IL1RAPL1: variants seen among roughly 807,000 people sequenced by gnomAD.
The protein encoded by IL1RAPL1 is interleukin 1 receptor accessory protein like 1.
In IL1RAPL1, 3 loss-of-function variants were observed where a neutral mutation model predicts 48.4. The ratio of observed to expected loss-of-function variants is 0.06; its 90% CI spans 0.03 to 0.16. The LOEUF (loss-of-function observed/expected upper bound fraction) is 0.16. Ranked by LOEUF, IL1RAPL1 falls within the 10% of genes least tolerant of loss-of-function variation. The pLI is 1.00. For synonymous variants in IL1RAPL1, 185 were observed against 187.7 expected, an observed-to-expected ratio of 0.99 and a Z score of 0.12; for missense variants, 349 against 530.6, an observed-to-expected ratio of 0.66 and a Z score of 3.36.
At chrX:29,006,405 T>C (rs1925978425) in intron 2 of IL1RAPL1, among the ~76,000 whole-genome samples, 2 of 109,182 alleles carry the variant, frequency 1.8e-5, no homozygotes, top group South Asian at 4.0e-4. Flanking sequence ...TCCCAGCTAC[T>C]TGGGAGGCTG....
intron 2 of IL1RAPL1, among the ~76,000 whole-genome samples, chrX:29,266,226 A>T (rs1931954282): frequency 1.8e-5 from 2 of 112,397 alleles, no homozygotes; most frequent in Non-Finnish European, 3.8e-5. Flanking sequence ...CAAATGTCCA[A>T]CAATGATAGA....
intron 3 of IL1RAPL1, among the ~76,000 whole-genome samples, chrX:29,349,740 A>T (rs1933197874): frequency 9.0e-6 from 1 of 110,501 alleles, no homozygotes; most frequent in African/African-American, 3.3e-5. Flanking sequence ...GTCTCACAAA[A>T]GCTCCTCTGA....
At chrX:29,228,182 A>G (rs1170100557) in intron 2 of IL1RAPL1, among the ~76,000 whole-genome samples, 9 of 12,159 alleles carry the variant, frequency 7.4e-4, no homozygotes, top group Non-Finnish European at 1.4e-3. Context: ...ACGCGTGCAC[A>G]CACACACACA....
At chrX:29,651,455 C>G (rs1324758956) in intron 5 of IL1RAPL1, among the ~76,000 whole-genome samples, 4 of 110,637 alleles carry the variant, frequency 3.6e-5, no homozygotes, top group Non-Finnish European at 7.6e-5. Flanking sequence ...AATAAGAAAT[C>G]TTGTCATTTG....
chrX:29,740,673 T>C (rs1468728818), intron 6 of IL1RAPL1, among the ~76,000 whole-genome samples: 1 of 111,900 alleles, frequency 8.9e-6, no homozygotes, highest in Admixed American at 9.5e-5. Context: ...CTCCCCCAGC[T>C]CTCATCTCTT....
Position 29,884,186 on chromosome X carries a change from C to T in IL1RAPL1, c.779-33278C>T, listed in dbSNP as rs193085606. On this transcript the variant is annotated intron_variant, in intron 6 of 10. Transcript: ENST00000378993. ...CTAATTCCAGTTCATTCTATTCATT[C>T]GAGACAAACCCTATTTTTATTCCCT... 7.1e-4 allele frequency among the ~76,000 whole-genome samples: 79 copies of T among 111,897 alleles called. No homozygotes were observed. In the East Asian group the frequency reaches 7.9e-3, roughly 11 times the overall value.
chrX:28,971,892 GT>G (rs1925083719), intron 2 of IL1RAPL1, among the ~76,000 whole-genome samples: 1 of 106,630 alleles, frequency 9.4e-6, no homozygotes, highest in Non-Finnish European at 1.9e-5. Flanking sequence ...GTGTGTGTGT[GT>G]GTGTGTGTGT....
chrX:28,851,872 C>T (rs1283518016), intron 2 of IL1RAPL1, among the ~76,000 whole-genome samples: 3 of 112,304 alleles, frequency 2.7e-5, no homozygotes, highest in Non-Finnish European at 5.6e-5. Context: ...CTTGATTTCT[C>T]AGACAGAATC....
intron 6 of IL1RAPL1, among the ~76,000 whole-genome samples, chrX:29,807,782 G>A (rs942767973): frequency 1.8e-5 from 2 of 111,150 alleles, no homozygotes; most frequent in South Asian, 7.6e-4. Context: ...CAGGTGTGAT[G>A]CAATTTGATT....
At chrX:29,222,404 G>GT (rs1446371432) in intron 2 of IL1RAPL1, among the ~76,000 whole-genome samples, 2 of 111,600 alleles carry the variant, frequency 1.8e-5, no homozygotes, top group Admixed American at 9.5e-5. Flanking sequence ...AAGGGAGAGG[G>GT]TTTTGATTAT....
At chrX:29,784,778 A>G (rs937892402) in intron 6 of IL1RAPL1, among the ~76,000 whole-genome samples, 1 of 111,049 alleles carries the variant, frequency 9.0e-6, no homozygotes, top group East Asian at 2.8e-4. Flanking sequence ...CATGTGCTCT[A>G]TTCATCGTAT....
chrX:28,809,437 T>G (rs1936766652), intron 2 of IL1RAPL1, among the ~76,000 whole-genome samples: 1 of 110,689 alleles, frequency 9.0e-6, no homozygotes, highest in South Asian at 3.7e-4. Flanking sequence ...GAGTTGAGAC[T>G]TGACTCTGAA....
chrX:29,587,861 G>C (rs1458447052), intron 5 of IL1RAPL1, among the ~76,000 whole-genome samples: 1 of 112,068 alleles, frequency 8.9e-6, no homozygotes, highest in Non-Finnish European at 1.9e-5. Flanking sequence ...TGTCCTGCAT[G>C]TGTACTGTCG....
At chrX:29,562,653 T>C (rs1201822052) in intron 5 of IL1RAPL1, among the ~76,000 whole-genome samples, 2 of 111,810 alleles carry the variant, frequency 1.8e-5, no homozygotes, top group Admixed American at 9.4e-5. Flanking sequence ...TTTTACATGT[T>C]GTCAGAGAGT....
At chrX:28,615,396 G>A (rs1934207613) in intron 1 of IL1RAPL1, among the ~76,000 whole-genome samples, 1 of 109,126 alleles carries the variant, frequency 9.2e-6, no homozygotes, top group South Asian at 4.0e-4. Context: ...AAAACCAATT[G>A]CCAAAGGATG....
intron 2 of IL1RAPL1, among the ~76,000 whole-genome samples, chrX:28,959,680 A>G (rs1362581117): frequency 8.9e-6 from 1 of 112,154 alleles, no homozygotes; most frequent in Non-Finnish European, 1.9e-5. Flanking sequence ...ATGTTTATGT[A>G]GCAAGGACAT....
At chrX:29,731,762 G>A (rs1444931599) in intron 6 of IL1RAPL1, among the ~76,000 whole-genome samples, 2 of 112,042 alleles carry the variant, frequency 1.8e-5, no homozygotes, top group Non-Finnish European at 3.8e-5. Context: ...TACTAAGCAT[G>A]CTTGAAAAAC....
chrX:28,695,404 C>G (rs1193086033), intron 1 of IL1RAPL1, among the ~76,000 whole-genome samples: 1 of 110,934 alleles, frequency 9.0e-6, no homozygotes, highest in African/African-American at 3.3e-5. Flanking sequence ...ATATTTGATG[C>G]TGTATCACAC....
At chrX:29,608,608 C>T (rs1293664746) in intron 5 of IL1RAPL1, among the ~76,000 whole-genome samples, 6 of 109,980 alleles carry the variant, frequency 5.5e-5, no homozygotes, top group East Asian at 2.9e-4. Context: ...GGGCGGATCA[C>T]GAGGTCAGGA....
Sources: allele counts gnomAD v4.1 joint callset (sites outside exome capture counted in the v4.1 genomes callset), GRCh38; gene constraint gnomAD v4.1.1; transcripts MANE v1.5; gene names NCBI Gene and HGNC (gene_info 2026-07-23, HGNC 2026-07-21).